The following NRXN3 variants were observed in gnomAD, a reference collection of about 807,000 sequenced individuals.
NRXN3 encodes the protein neurexin 3.
In NRXN3, 32 loss-of-function variants were observed where a neutral mutation model predicts 137.6. That is an observed-to-expected ratio of 0.23 (90% CI 0.18 to 0.31). The LOEUF is 0.31. Ranked by LOEUF, NRXN3 falls within the 10% of genes least tolerant of loss-of-function variation. NRXN3 has a pLI of 1.00. For synonymous variants in NRXN3, 798 were observed against 784.5 expected (o/e 1.02, Z -0.29); for missense variants, 1,574 against 2,062.5 (o/e 0.76, Z 4.59).
intron 16 of NRXN3, among the ~76,000 whole-genome samples, chr14:79,504,670 T>TATATATAA (rs1297701522): frequency 4.2e-5 from 6 of 143,118 alleles, no homozygotes; most frequent in African/African-American, 1.6e-4. Flanking sequence ...TATATATATA[T>TATATATAA]ATATAAAACA....
chr14:78,966,159 C>A lies in NRXN3; in HGVS notation c.2530C>A (p.Leu844Ile), dbSNP rs557316040. The A allele has an allele frequency of 6.2e-7, 1 of 1,614,194 alleles. No individual in the cohort carries two copies. The highest frequency in any genetic ancestry group is 1.3e-5 in the African/African-American group (1 of 75,066). Residue 844 changes from leucine to isoleucine, a missense_variant, in exon 12 of 21, where the codon CTC becomes ATC. By Grantham distance (5) the Leu-to-Ile change is conservative. Transcript: ENST00000335750. The part of the protein sequence containing the change: ...HLQSLMFNGL[L>I]YIDLCKNGDI... ...GCAGAGCCTCATGTTTAATGGCCTT[C>A]TCTACATTGACTTGTGCAAAAATGG...
intron 15 of NRXN3, among the ~76,000 whole-genome samples, chr14:79,117,703 G>A: frequency 6.6e-6 from 1 of 152,224 alleles, no homozygotes; most frequent in East Asian, 1.9e-4. Flanking sequence ...AGCATTTTCA[G>A]TCTTTGGCAG....
At chr14:78,890,372 G>C (rs1315754648) in intron 10 of NRXN3, among the ~76,000 whole-genome samples, 1 of 151,878 alleles carries the variant, frequency 6.6e-6, no homozygotes, top group African/African-American at 2.4e-5. Context: ...GTATGTGTCA[G>C]TTATGTTTAT....
intron 8 of NRXN3, among the ~76,000 whole-genome samples, chr14:78,757,719 AT>A (rs2098675470): frequency 6.6e-6 from 1 of 152,220 alleles, no homozygotes; most frequent in South Asian, 2.1e-4. Context: ...AAAACTGTGA[AT>A]AAAAAATGTG....
intron 4 of NRXN3, among the ~76,000 whole-genome samples, chr14:78,346,675 C>T (rs2082778535): frequency 6.6e-6 from 1 of 152,184 alleles, no homozygotes; most frequent in African/African-American, 2.4e-5. Flanking sequence ...TGCACTGTTA[C>T]TGCACTGTCT....
At chr14:79,153,694 T>G (rs1427220125) in intron 15 of NRXN3, among the ~76,000 whole-genome samples, 1 of 151,980 alleles carries the variant, frequency 6.6e-6, no homozygotes, top group Admixed American at 6.6e-5. Flanking sequence ...TGAGTAGACC[T>G]CTTTTTTCTC....
intron 6 of NRXN3, among the ~76,000 whole-genome samples, chr14:78,666,097 T>G (rs2097883971): frequency 6.6e-6 from 1 of 152,198 alleles, no homozygotes; most frequent in African/African-American, 2.4e-5. Context: ...TATTTTTTCT[T>G]TTAAAAATTG....
chr14:78,329,198 G>T (rs906755992), intron 4 of NRXN3, among the ~76,000 whole-genome samples: 1 of 152,118 alleles, frequency 6.6e-6, no homozygotes, highest in Non-Finnish European at 1.5e-5. Flanking sequence ...GACTCACTTT[G>T]CTCTAAATTC....
At chr14:79,829,101 G>C (rs192744887) in intron 20 of NRXN3, among the ~76,000 whole-genome samples, 3 of 152,208 alleles carry the variant, frequency 2.0e-5, no homozygotes, top group Admixed American at 2.0e-4. Context: ...TCATTTACCA[G>C]TGTGATTCAT....
chr14:79,404,798 G>A (rs927193814), intron 15 of NRXN3, among the ~76,000 whole-genome samples: 2 of 152,198 alleles, frequency 1.3e-5, no homozygotes, highest in African/African-American at 4.8e-5. Flanking sequence ...TCTCTTTCAA[G>A]AGGGATGAAA....
chr14:78,992,697 A>G (rs1404012487), intron 15 of NRXN3, among the ~76,000 whole-genome samples: 3 of 152,172 alleles, frequency 2.0e-5, no homozygotes, highest in Non-Finnish European at 4.4e-5. Flanking sequence ...GGACTTTGTG[A>G]AAATAGCAGT....
At chr14:78,557,201 C>T (rs1161695099) in intron 4 of NRXN3, among the ~76,000 whole-genome samples, 1 of 150,238 alleles carries the variant, frequency 6.7e-6, no homozygotes, top group East Asian at 2.0e-4. Context: ...AAAATGATCA[C>T]ACCTGGCTAT....
Position 79,358,595 on chromosome 14 carries a change from GAA to G in NRXN3, c.3263-108624_3263-108623del, listed in dbSNP as rs1418508353. Among the ~76,000 whole-genome samples, 8 of 91,300 alleles carry G rather than the reference GAA, an allele frequency of 8.8e-5. No homozygotes were observed. The South Asian group carries it at 2.4e-3, about 27-fold the overall frequency. 59.9% of individuals were successfully genotyped at this position (91,300 alleles called of 152,430 possible). A position where few individuals can be genotyped will look rare whatever the true frequency, so the allele number is the denominator to read the frequency against. On this transcript the variant is annotated intron_variant, in intron 15 of 20. Coordinates refer to ENST00000335750, the MANE Select transcript of NRXN3 (RefSeq NM_001330195.2). ...AAAAAGAAAGAAAGAGAGAAAGAAAGAAAGAAAGAAAGAGAAAGAAAGAAAGA... is the reference window on the plus strand; with the variant it reads ...AAAAAGAAAGAAAGAGAGAAAGAAAGAGAAAGAAAGAGAAAGAAAGAAAGA...
chr14:79,740,483 A>G (rs549602853), intron 19 of NRXN3, among the ~76,000 whole-genome samples: 3 of 151,812 alleles, frequency 2.0e-5, no homozygotes, highest in Non-Finnish European at 4.4e-5. Context: ...CTCTCTGGAT[A>G]CATACCAACA....
intron 4 of NRXN3, among the ~76,000 whole-genome samples, chr14:78,460,211 C>T (rs1050943831): frequency 2.6e-5 from 4 of 152,242 alleles, no homozygotes; most frequent in Non-Finnish European, 4.4e-5. Flanking sequence ...CCTCCAGGAA[C>T]CTCGACATGT....
chr14:78,854,962 T>A (rs1268767415), intron 10 of NRXN3, among the ~76,000 whole-genome samples: 2 of 151,860 alleles, frequency 1.3e-5, no homozygotes, highest in Non-Finnish European at 2.9e-5. Flanking sequence ...CTGAGTAAGG[T>A]TATGATAGCT....
chr14:79,067,551 T>C (rs528110202), intron 15 of NRXN3, among the ~76,000 whole-genome samples: 1 of 152,244 alleles, frequency 6.6e-6, no homozygotes, highest in East Asian at 1.9e-4. Flanking sequence ...TACTAGCTCT[T>C]CTTTCTACCT....
At chr14:79,767,127 A>G (rs61617531) in intron 19 of NRXN3, among the ~76,000 whole-genome samples, 1 of 152,188 alleles carries the variant, frequency 6.6e-6, no homozygotes, top group African/African-American at 2.4e-5. Flanking sequence ...GGAGAAGACA[A>G]AATCCTTAAT....
rs1224944515 is a variant in NRXN3, at chr14:79,437,415, T to TA, written c.3263-29792dup. On this transcript the variant is annotated intron_variant, in intron 15 of 20. Coordinates refer to ENST00000335750, the MANE Select transcript of NRXN3 (RefSeq NM_001330195.2). ...CATGTTAATCCTGAAATGTGCGTTCTAAAAAAAAAAAAAAGCTCCATCTGA... is the reference window on the plus strand; with the variant it reads ...CATGTTAATCCTGAAATGTGCGTTCTAAAAAAAAAAAAAAAGCTCCATCTGA... Among the ~76,000 whole-genome samples the TA allele has an allele frequency of 6.8e-3, 934 of 137,052 alleles. 4 individuals are homozygous for TA. The highest frequency in any genetic ancestry group is 0.021 in the African/African-American group (789 of 37,366). The allele number at this position is 137,052 out of a possible 152,430, so 89.9% of individuals were successfully genotyped here. A position where few individuals can be genotyped will look rare whatever the true frequency, so the allele number is the denominator to read the frequency against.
Sources: allele counts gnomAD v4.1 joint callset (sites outside exome capture counted in the v4.1 genomes callset), GRCh38; gene constraint gnomAD v4.1.1; transcripts MANE v1.5; gene names NCBI Gene and HGNC (gene_info 2026-07-23, HGNC 2026-07-21).